The following GALNT8 variants were observed in gnomAD, a reference collection of about 807,000 sequenced individuals.
GALNT8 encodes the protein probable polypeptide N-acetylgalactosaminyltransferase 8.
GALNT8 carries 66 observed loss-of-function variants against 62.7 expected under a neutral mutation model. That is an observed-to-expected ratio of 1.05 (90% CI 0.86 to 1.29). The LOEUF (loss-of-function observed/expected upper bound fraction) is 1.29. GALNT8 is among the 50% of genes most tolerant of loss of function. The pLI is 0.00. For synonymous variants in GALNT8, 288 were observed against 294.3 expected, an observed-to-expected ratio of 0.98 and a Z score of 0.22; for missense variants, 771 against 791.8, an observed-to-expected ratio of 0.97 and a Z score of 0.32.
At chr12:4,721,884 G>T (rs1359338577) in intron 1 of GALNT8, among the ~76,000 whole-genome samples, 1 of 152,192 alleles carries the variant, frequency 6.6e-6, no homozygotes, top group Non-Finnish European at 1.5e-5. Flanking sequence ...GCTTTCCTAG[G>T]CAGAGGTCCC....
At chr12:4,756,116 A>G (rs1946343716) in intron 6 of GALNT8, among the ~76,000 whole-genome samples, 1 of 152,236 alleles carries the variant, frequency 6.6e-6, no homozygotes, top group Non-Finnish European at 1.5e-5. Flanking sequence ...ATCAGAATCA[A>G]TTTAGAAGAG....
intron 7 of GALNT8, among the ~76,000 whole-genome samples, chr12:4,761,608 CTTTTT>C (rs928202215): frequency 1.6e-5 from 2 of 128,200 alleles, no homozygotes; most frequent in African/African-American, 5.5e-5. Flanking sequence ...GGATAGCATT[CTTTTT>C]TAAGTTTTTT....
Position 4,739,183 on chromosome 12 carries a change from C to T in GALNT8, c.530C>T (p.Pro177Leu), listed in dbSNP as rs775387005. 1 of 1,611,378 alleles carries T rather than the reference C, an allele frequency of 6.2e-7. No individual in the cohort carries two copies. The highest frequency in any genetic ancestry group is 8.5e-7 in the Non-Finnish European group (1 of 1,178,078). Residue 177 changes from proline to leucine, a missense_variant, in exon 3 of 11, where the codon CCT becomes CTT. Pro to Leu is a moderately conservative substitution (Grantham distance 98). Transcript: ENST00000252318. ...TATAGATGTCTTCGGAAGACATATC[C>T]TTCCCAACTCCCATCCCTCAGTGTC... ...RDYRCLRKTY[P>L]SQLPSLSVIL...
intron 2 of GALNT8, among the ~76,000 whole-genome samples, chr12:4,731,725 C>T (rs1946222773): frequency 6.6e-6 from 1 of 152,120 alleles, no homozygotes; most frequent in African/African-American, 2.4e-5. Flanking sequence ...TGATTTTTCG[C>T]ATCTATTGAG....
rs530934718 is a variant in GALNT8, at chr12:4,733,251, A to C, written c.510-5912A>C. Among the ~76,000 whole-genome samples the C allele has an allele frequency of 1.6e-4, 24 of 152,340 alleles. 1 individual carries two copies. The East Asian group carries it at 4.4e-3, about 28-fold the overall frequency. On this transcript the variant is annotated intron_variant, in intron 2 of 10. Coordinates refer to ENST00000252318, the MANE Select transcript of GALNT8 (RefSeq NM_017417.2). ...TCGTTATGTATAGGATAGATATAAAACATTTCGTCATTGCAGAAAATTCTA... is the reference window on the plus strand; with the variant it reads ...TCGTTATGTATAGGATAGATATAAACCATTTCGTCATTGCAGAAAATTCTA...
chr12:4,764,079 GGC>G, intron 9 of GALNT8, 32 bp downstream of exon 9: 3 of 1,223,932 alleles, frequency 2.5e-6, no homozygotes, highest in Non-Finnish European at 3.6e-6. Flanking sequence ...GCCCTGCCTG[GGC>G]AAGTCTGTCG....
intron 7 of GALNT8, among the ~76,000 whole-genome samples, chr12:4,762,266 G>T (rs1946376689): frequency 6.6e-6 from 1 of 152,126 alleles, no homozygotes; most frequent in African/African-American, 2.4e-5. Flanking sequence ...GCTGTACAAA[G>T]AATTGTCTGT....
chr12:4,771,862 A>T (rs1946425897), intron 10 of GALNT8, among the ~76,000 whole-genome samples: 1 of 152,202 alleles, frequency 6.6e-6, no homozygotes, highest in African/African-American at 2.4e-5. Flanking sequence ...GCCCAAGCCC[A>T]CACGGTTCGT....
At chr12:4,727,706 T>C (rs1946202736) in intron 2 of GALNT8, among the ~76,000 whole-genome samples, 1 of 152,228 alleles carries the variant, frequency 6.6e-6, no homozygotes, top group African/African-American at 2.4e-5. Flanking sequence ...TCCTTTTTAT[T>C]GTTAAATAAT....
intron 9 of GALNT8, 104 bp from the exon 10 acceptor site, chr12:4,765,275 G>A: frequency 9.2e-7 from 1 of 1,089,342 alleles, no homozygotes; most frequent in Non-Finnish European, 1.3e-6. Context: ...GTGTCTAGGG[G>A]CCCCAAGATC....
intron 7 of GALNT8, 137 bp from the exon 8 acceptor site, chr12:4,763,116 A>G (rs1038855060): frequency 3.0e-6 from 2 of 676,458 alleles, no homozygotes; most frequent in African/African-American, 3.6e-5. Flanking sequence ...AATCTTGTCT[A>G]TCCATTAAGT....
chr12:4,765,623 C>A, intron 10 of GALNT8, 77 bp downstream of exon 10: 1 of 1,185,550 alleles, frequency 8.4e-7, no homozygotes. Context: ...GCTCTGCAGC[C>A]CAGGCTAGAG....
At chr12:4,725,554 T>TC (rs34980809) in intron 1 of GALNT8, among the ~76,000 whole-genome samples, 3 of 29,592 alleles carry the variant, frequency 1.0e-4, no homozygotes, top group Non-Finnish European at 9.1e-5. Flanking sequence ...GAAGACATTC[T>TC]TTTTTTTTTT....
chr12:4,747,210 T>C (rs1304239850), intron 6 of GALNT8, among the ~76,000 whole-genome samples: 1 of 152,230 alleles, frequency 6.6e-6, no homozygotes, highest in Non-Finnish European at 1.5e-5. Context: ...TCCTTTGTGT[T>C]ACAAATAATC....
At chr12:4,744,271 A>G (rs536288742) in intron 3 of GALNT8, among the ~76,000 whole-genome samples, 10 of 152,320 alleles carry the variant, frequency 6.6e-5, no homozygotes, top group African/African-American at 2.4e-4. Context: ...CGTAGTAAGC[A>G]GTATTATCAT....
chr12:4,727,428 A>G (rs909760337), intron 2 of GALNT8, among the ~76,000 whole-genome samples: 1 of 152,210 alleles, frequency 6.6e-6, no homozygotes, highest in Non-Finnish European at 1.5e-5. Flanking sequence ...GTATATTCAC[A>G]GAGTTATTTA....
At chr12:4,743,815 A>G (rs944761509) in intron 3 of GALNT8, among the ~76,000 whole-genome samples, 1 of 152,212 alleles carries the variant, frequency 6.6e-6, no homozygotes, top group Non-Finnish European at 1.5e-5. Context: ...TTGGTTAGAT[A>G]TTTTGCATAC....
chr12:4,721,350 G>T (rs925066763), intron 1 of GALNT8, among the ~76,000 whole-genome samples: 2 of 151,920 alleles, frequency 1.3e-5, no homozygotes, highest in Admixed American at 1.3e-4. Flanking sequence ...GGGCCCAGGG[G>T]ACCAGCGTTC....
intron 1 of GALNT8, among the ~76,000 whole-genome samples, chr12:4,721,987 T>A (rs1050622844): frequency 6.7e-6 from 1 of 150,218 alleles, no homozygotes; most frequent in African/African-American, 2.4e-5. Flanking sequence ...AGCATCTGTT[T>A]AACAAAGCAC....
Sources: allele counts gnomAD v4.1 joint callset (sites outside exome capture counted in the v4.1 genomes callset), GRCh38; gene constraint gnomAD v4.1.1; transcripts MANE v1.5; gene names NCBI Gene and HGNC (gene_info 2026-07-23, HGNC 2026-07-21).